CAPRIN1: variants seen among roughly 807,000 people sequenced by gnomAD.
CAPRIN1 encodes cell cycle associated protein 1, also known as caprin-1.
Under a neutral mutation model 100.9 loss-of-function variants are expected in CAPRIN1, and 29 were observed. The ratio of observed to expected loss-of-function variants is 0.29; its 90% CI spans 0.21 to 0.39. The LOEUF (loss-of-function observed/expected upper bound fraction) is 0.39. CAPRIN1 is among the 10% of genes least tolerant of loss of function. The probability of loss-of-function intolerance (pLI) is 1.00; values close to 1 mark genes in which losing one functional copy is unlikely to be tolerated. For missense variants in CAPRIN1, 795 were observed against 876.7 expected (o/e 0.91, Z 1.18); for synonymous variants, 338 against 307.5 (o/e 1.10, Z -1.04).
chr11:34,086,000 T>C lies in CAPRIN1; in HGVS notation c.967-64T>C. 3 of 1,390,542 alleles carry C rather than the reference T, an allele frequency of 2.2e-6. No homozygotes were observed. In the African/African-American group the frequency reaches 4.3e-5, roughly 20 times the overall value. The allele number at this position is 1,390,542 out of a possible 1,614,324, so 86.1% of individuals were successfully genotyped here. A position where few individuals can be genotyped will look rare whatever the true frequency, so the allele number is the denominator to read the frequency against. Reference sequence around the variant, plus strand: ...TTTATGTAGTGTGGGGGACCCATCATGGTGGTAGTGAGTGGAGCTTTTTTG... The same window carrying C: ...TTTATGTAGTGTGGGGGACCCATCACGGTGGTAGTGAGTGGAGCTTTTTTG... On this transcript the variant is annotated intron_variant, in intron 9 of 18. Transcript: ENST00000341394.
At position 34,096,526 on chromosome 11, in the gene CAPRIN1, G is replaced by A; in HGVS notation, c.1753G>A (p.Gly585Ser). 1.2e-6 allele frequency: 2 copies of A among 1,614,100 alleles called. No individual in the cohort carries two copies. Among genetic ancestry groups the A allele is most frequent in the Non-Finnish European group, 1.7e-6 (2 of 1,179,980 alleles). ...CCCAGACCAGTCCCATCAAGTGACTGGTAACCACCAGCAGCCTCCTCAGCA... is the reference window on the plus strand; with the variant it reads ...CCCAGACCAGTCCCATCAAGTGACTAGTAACCACCAGCAGCCTCCTCAGCA... Reference protein sequence around the residue: ...GSPDQSHQVTGNHQQPPQQNT... With the variant: ...GSPDQSHQVTSNHQQPPQQNT... Residue 585 changes from glycine (G) to serine (S), a missense_variant, in exon 16 of 19, where the codon GGT (glycine) becomes AGT (serine). By Grantham distance (56) the Gly-to-Ser change is moderately conservative (BLOSUM62 0). Coordinates refer to ENST00000341394, the MANE Select transcript of CAPRIN1 (RefSeq NM_005898.5).
intron 6 of CAPRIN1, among the ~76,000 whole-genome samples, chr11:34,077,186 TAAAACTGGG>T (rs925651578): frequency 2.3e-4 from 35 of 152,380 alleles, no homozygotes; most frequent in African/African-American, 7.7e-4. Context: ...AACAAACAAC[TAAAACTGGG>T]AATATGATAG....
chr11:34,096,487 A>G lies in CAPRIN1; in HGVS notation c.1714A>G (p.Thr572Ala). ...TCTTTTTTAAATTATAGTGGTTGGC[A>G]CTTACCATGGTTCCCCAGACCAGTC... ...QQEQLQTVVG[T>A]YHGSPDQSHQ... Residue 572 changes from threonine (T) to alanine (A), a missense_variant, in exon 16 of 19, where the codon ACT (threonine) becomes GCT (alanine). Coordinates refer to ENST00000341394, the MANE Select transcript of CAPRIN1 (RefSeq NM_005898.5). The G allele has an allele frequency of 1.2e-6, 2 of 1,613,564 alleles. No homozygotes were observed. The highest frequency in any genetic ancestry group is 1.7e-6 in the Non-Finnish European group (2 of 1,179,568).
intron 1 of CAPRIN1, 197 bp from the exon 2 acceptor site, chr11:34,052,224 C>T (rs1391796648): frequency 1.1e-5 from 2 of 187,194 alleles, no homozygotes; most frequent in Admixed American, 1.6e-4. Context: ...GAGGCCCAGC[C>T]GGGCGCCCCG....
chr11:34,090,067 T>C (rs2134130243), intron 12 of CAPRIN1, 112 bp from the exon 13 acceptor site: 2 of 554,316 alleles, frequency 3.6e-6, no homozygotes, highest in East Asian at 6.0e-5. Context: ...ATTTCTCCCT[T>C]CTTTAGCAGT....
chr11:34,072,078 A>AGGT (rs1297860961), intron 4 of CAPRIN1, 91 bp downstream of exon 4: 4 of 766,240 alleles, frequency 5.2e-6, no homozygotes, highest in Non-Finnish European at 8.6e-6. Flanking sequence ...GCTCTCTGCA[A>AGGT]GGTGAGACAG....
At chr11:34,089,283 CAAAAAAAAAAA>C (rs547881239) in intron 11 of CAPRIN1, 101 bp from the exon 12 acceptor site, 657 of 21,314 alleles carry the variant, frequency 0.031, 4 homozygotes, top group Non-Finnish European at 0.044. Flanking sequence ...CCCCCCCCCG[CAAAAAAAAAAA>C]AAAAAAAAAA....
chr11:34,084,995 A>G (rs1203703999), intron 9 of CAPRIN1, among the ~76,000 whole-genome samples: 4 of 151,844 alleles, frequency 2.6e-5, no homozygotes, highest in Non-Finnish European at 5.9e-5. Context: ...GATTCCACGA[A>G]TTTTTGGAGC....
At position 34,099,887 on chromosome 11, in the gene CAPRIN1, A is replaced by G. The variant is rs1166422811; in HGVS notation, c.*520A>G. ...CACTGAACGTTCAGATGCATACCAA[A>G]TTATGCATGGGTCCTAATCACACAT... On this transcript the variant is annotated 3_prime_UTR_variant, in exon 19 of 19. Transcript: ENST00000341394. 6.4e-6 allele frequency: 1 copy of G among 156,034 alleles called. No homozygotes were observed. The highest frequency in any genetic ancestry group is 1.4e-5 in the Non-Finnish European group (1 of 70,080). 9.7% of individuals were successfully genotyped at this position (156,034 alleles called of 1,614,324 possible). A position where few individuals can be genotyped will look rare whatever the true frequency, so the allele number is the denominator to read the frequency against.
Position 34,052,434 on chromosome 11 carries a change from C to G in CAPRIN1, c.14C>G (p.Thr5Ser), listed in dbSNP as rs2134074343. ...TGCGGTCTGAAGATGCCCTCGGCCA[C>G]CAGCCACAGCGGGAGCGGCAGCAAG... MPSA[T>S]SHSGSGSKSS... The change falls in exon 2 of 19, where the codon ACC becomes AGC. Residue 5 changes from threonine to serine, a missense_variant. Transcript: ENST00000341394. 6.2e-7 allele frequency: 1 copy of G among 1,607,646 alleles called. No homozygotes were observed. The highest frequency in any genetic ancestry group is 8.5e-7 in the Non-Finnish European group (1 of 1,178,866).
chr11:34,061,843 T>C (rs888404395), intron 2 of CAPRIN1, among the ~76,000 whole-genome samples: 1 of 151,926 alleles, frequency 6.6e-6, no homozygotes, highest in Non-Finnish European at 1.5e-5. Context: ...TAGTGGCTTA[T>C]GCCTGTAATC....
chr11:34,069,088 G>C (rs1850758054), intron 2 of CAPRIN1, among the ~76,000 whole-genome samples: 1 of 151,558 alleles, frequency 6.6e-6, no homozygotes. Context: ...TTTAAATAGA[G>C]GAATTGTGAT....
rs770101480 is a variant in CAPRIN1, at chr11:34,076,403, G to A, written c.534G>A (p.Leu178=). 3 of 1,614,090 alleles carry A rather than the reference G, an allele frequency of 1.9e-6. No homozygotes were observed. In the Admixed American group the frequency reaches 5.0e-5, roughly 27 times the overall value. ...LKQGLNGVPI[L]SEEELSLLDE... Reference sequence around the variant, plus strand: ...AAGGTTTGAATGGAGTGCCAATATTGTCCGAAGAGGAGTTGTCATTGTTGG... The same window carrying A: ...AAGGTTTGAATGGAGTGCCAATATTATCCGAAGAGGAGTTGTCATTGTTGG... The change falls in exon 5 of 19, where the codon TTG becomes TTA. Residue 178 remains leucine, a synonymous_variant. Transcript: ENST00000341394.
In CAPRIN1 at chr11:34,083,010, A is replaced by G. The variant is rs1441957971; in HGVS notation, c.935A>G (p.Gln312Arg). ...ETQFTSGEKE[Q>R]VDEWTVETVE... is the part of the protein sequence containing the mutation. ...CAGTTCACCAGTGGTGAAAAGGAGCAGGTAGATGAGTGGACAGTTGAAACG... is the reference window on the plus strand; with the variant it reads ...CAGTTCACCAGTGGTGAAAAGGAGCGGGTAGATGAGTGGACAGTTGAAACG... The change falls in exon 9 of 19, where the codon CAG (glutamine) becomes CGG (arginine). Residue 312 changes from glutamine (Q) to arginine (R), a missense_variant. Transcript: ENST00000341394. 1.1e-5 allele frequency: 18 copies of G among 1,613,844 alleles called. No individual in the cohort carries two copies.
chr11:34,096,201 T>A (rs546600056), intron 15 of CAPRIN1: 3 of 259,558 alleles, frequency 1.2e-5, no homozygotes, highest in Non-Finnish European at 2.2e-5. Flanking sequence ...GACGTTAATA[T>A]AGCCTTTCAA....
intron 2 of CAPRIN1, among the ~76,000 whole-genome samples, chr11:34,061,290 T>G (rs1480989913): frequency 7.0e-6 from 1 of 143,794 alleles, no homozygotes; most frequent in East Asian, 2.1e-4. Flanking sequence ...CACTGCAACC[T>G]CTGCCTCCCA....
chr11:34,066,409 C>T (rs569859148), intron 2 of CAPRIN1, among the ~76,000 whole-genome samples: 3 of 152,096 alleles, frequency 2.0e-5, no homozygotes, highest in South Asian at 2.1e-4. Context: ...TCTTGGCTCT[C>T]TGCAACCTCT....
chr11:34,082,257 G>T (rs1056986898), intron 7 of CAPRIN1, among the ~76,000 whole-genome samples: 1 of 150,760 alleles, frequency 6.6e-6, no homozygotes, highest in African/African-American at 2.4e-5. Flanking sequence ...GCCTGATCTC[G>T]GCTCACTGCA....
At position 34,097,798 on chromosome 11, in the gene CAPRIN1, G is replaced by C. The variant is rs372612661; in HGVS notation, c.2065+37G>C. On this transcript the variant is annotated intron_variant, in intron 18 of 18. Transcript: ENST00000341394. ...TGGTGGTGATCCTAGCTCCTAAGTGGAGCTTCTGTTCTGGCCTTGGAAGAG... is the reference window on the plus strand; with the variant it reads ...TGGTGGTGATCCTAGCTCCTAAGTGCAGCTTCTGTTCTGGCCTTGGAAGAG... 324 of 1,613,836 alleles carry C rather than the reference G, an allele frequency of 2.0e-4. 2 individuals are homozygous for C. The African/African-American group carries it at 4.1e-3, about 20-fold the overall frequency.
Sources: allele counts gnomAD v4.1 joint callset (sites outside exome capture counted in the v4.1 genomes callset), GRCh38; gene constraint gnomAD v4.1.1; transcripts MANE v1.5; gene names NCBI Gene and HGNC (gene_info 2026-07-23, HGNC 2026-07-21).